FLVCR2: variants seen among roughly 807,000 people sequenced by gnomAD.
FLVCR2 encodes the protein FLVCR choline and putative heme transporter 2.
In FLVCR2, 38 loss-of-function variants were observed where a neutral mutation model predicts 48.9. The ratio of observed to expected loss-of-function variants is 0.78; its 90% CI spans 0.60 to 1.02. FLVCR2 has a LOEUF of 1.02. FLVCR2 is among the 50% of genes least tolerant of loss of function. The pLI is 0.00. For synonymous variants in FLVCR2, 255 were observed against 257.0 expected, an observed-to-expected ratio of 0.99 and a Z score of 0.07; for missense variants, 664 against 663.3, an observed-to-expected ratio of 1.00 and a Z score of -0.01.
intron 1 of FLVCR2, among the ~76,000 whole-genome samples, chr14:75,603,895 T>C (rs2140020091): frequency 6.6e-6 from 1 of 152,306 alleles, no homozygotes; most frequent in South Asian, 2.1e-4. Flanking sequence ...AAGGAAAATT[T>C]CCTGTTTCAC....
chr14:75,595,635 T>C lies in FLVCR2; in HGVS notation c.669+15994T>C, dbSNP rs540379126. Among the ~76,000 whole-genome samples, 6 of 152,372 alleles carry C rather than the reference T, an allele frequency of 3.9e-5. No homozygotes were observed. In the East Asian group the frequency reaches 5.8e-4, roughly 15 times the overall value. On this transcript the variant is annotated intron_variant, in intron 1 of 9. Coordinates refer to ENST00000238667, the MANE Select transcript of FLVCR2 (RefSeq NM_017791.3). ...TTTGCGGAGGTGAAGGCAAACTCTTTTGTTCACATCTATTGATTGTTATTG... is the reference window on the plus strand; with the variant it reads ...TTTGCGGAGGTGAAGGCAAACTCTTCTGTTCACATCTATTGATTGTTATTG...
rs374558708 is a variant in FLVCR2, at chr14:75,632,508, T to C, written c.953-1121T>C. 2.5e-5 allele frequency: 16 copies of C among 638,052 alleles called. No individual in the cohort carries two copies. The East Asian group carries it at 2.7e-4, about 11-fold the overall frequency. 39.5% of individuals were successfully genotyped at this position (638,052 alleles called of 1,614,324 possible). ...TTGTTACAAGTAATAGTGGTGCCTG[T>C]GAGCATTAAGCCAGGGTGGTTGCCA... On this transcript the variant is annotated intron_variant, in intron 3 of 9. Transcript: ENST00000238667.
At chr14:75,641,427 G>A (rs1008067198) in intron 8 of FLVCR2, 134 bp downstream of exon 8, 2 of 712,964 alleles carry the variant, frequency 2.8e-6, no homozygotes, top group South Asian at 3.0e-5. Flanking sequence ...CTGTTGGGAG[G>A]CAGCACATTG....
chr14:75,641,326 A>C (rs1890304572), intron 8 of FLVCR2, 33 bp downstream of exon 8: 6 of 1,509,468 alleles, frequency 4.0e-6, no homozygotes, highest in Non-Finnish European at 5.5e-6. Context: ...GATGAGGCTC[A>C]GGTTGGCCAT....
chr14:75,645,294 C>A (rs563329547), intron 9 of FLVCR2, among the ~76,000 whole-genome samples: 9 of 152,184 alleles, frequency 5.9e-5, no homozygotes, highest in Non-Finnish European at 1.3e-4. Flanking sequence ...TGTCTTAGCC[C>A]TGTGCATGTC....
Position 75,579,117 on chromosome 14 carries a change from C to G in FLVCR2, c.145C>G (p.Pro49Ala), listed in dbSNP as rs369546881. The G allele has an allele frequency of 6.2e-7, 1 of 1,613,992 alleles. No individual in the cohort carries two copies. The highest frequency in any genetic ancestry group is 1.3e-5 in the African/African-American group (1 of 74,922). Residue 49 changes from proline to alanine, a missense_variant, in exon 1 of 10, where the codon CCC (proline) becomes GCC (alanine). Coordinates refer to ENST00000238667, the MANE Select transcript of FLVCR2 (RefSeq NM_017791.3). Reference sequence around the variant, plus strand: ...CATCAACCCCAGCGTCTCTGTCCACCCCAGCAGTTCGGCCCACCCCAGTGC... The same window carrying G: ...CATCAACCCCAGCGTCTCTGTCCACGCCAGCAGTTCGGCCCACCCCAGTGC... ...VSINPSVSVH[P>A]SSSAHPSALA... is the part of the protein sequence containing the mutation.
chr14:75,591,437 T>G (rs1193490492), intron 1 of FLVCR2, among the ~76,000 whole-genome samples: 1 of 152,242 alleles, frequency 6.6e-6, no homozygotes, highest in Non-Finnish European at 1.5e-5. Flanking sequence ...GGGTTCCCAA[T>G]GCCTCAGGCA....
chr14:75,630,256 C>A (rs1188305336), intron 3 of FLVCR2, among the ~76,000 whole-genome samples: 1 of 152,168 alleles, frequency 6.6e-6, no homozygotes, highest in African/African-American at 2.4e-5. Flanking sequence ...AGTTGAGAAC[C>A]TCTGAGGTAG....
At position 75,647,902 on chromosome 14, in the gene FLVCR2, T is replaced by C. The variant is rs2140060113; in HGVS notation, c.*1430T>C. The C allele has an allele frequency of 6.5e-6, 1 of 152,908 alleles. No homozygotes were observed. Among genetic ancestry groups the C allele is most frequent in the African/African-American group, 2.4e-5 (1 of 41,550 alleles). The allele number at this position is 152,908 out of a possible 1,614,324, so 9.5% of individuals were successfully genotyped here. A position where few individuals can be genotyped will look rare whatever the true frequency, so the allele number is the denominator to read the frequency against. Reference sequence around the variant, plus strand: ...GTCTGCATGTGTGTGTGTGTGTGTTTGTACAGATTCAAGCAATGGATGCAA... The same window carrying C: ...GTCTGCATGTGTGTGTGTGTGTGTTCGTACAGATTCAAGCAATGGATGCAA... On this transcript the variant is annotated 3_prime_UTR_variant, in exon 10 of 10. Transcript: ENST00000238667.
chr14:75,610,136 C>T (rs1008014035), intron 1 of FLVCR2, among the ~76,000 whole-genome samples: 7 of 152,188 alleles, frequency 4.6e-5, no homozygotes, highest in African/African-American at 9.6e-5. Context: ...CATTTTTCCT[C>T]CTTCCTAGCC....
chr14:75,589,018 A>G (rs998893825), intron 1 of FLVCR2, among the ~76,000 whole-genome samples: 1 of 152,140 alleles, frequency 6.6e-6, no homozygotes, highest in Admixed American at 6.5e-5. Flanking sequence ...CTCTGAACCT[A>G]TGAAATTAAC....
chr14:75,603,076 C>G (rs979296388), intron 1 of FLVCR2, among the ~76,000 whole-genome samples: 1 of 152,186 alleles, frequency 6.6e-6, no homozygotes, highest in Non-Finnish European at 1.5e-5. Context: ...TCCATCTCCA[C>G]ATCTTCCTAC....
chr14:75,579,854 C>T (rs951675904), intron 1 of FLVCR2, among the ~76,000 whole-genome samples: 1 of 152,174 alleles, frequency 6.6e-6, no homozygotes, highest in African/African-American at 2.4e-5. Flanking sequence ...TGCTCTTGCC[C>T]CAGCCAAAAG....
chr14:75,639,997 C>T (rs999282317), intron 6 of FLVCR2, among the ~76,000 whole-genome samples: 13 of 152,132 alleles, frequency 8.5e-5, no homozygotes, highest in African/African-American at 3.1e-4. Context: ...GGTGGCTTAA[C>T]GCCTGTAATC....
rs140107455 is a variant in FLVCR2 at position 75,608,209 on chromosome 14, A to G, written c.670-13870A>G. Reference sequence around the variant, plus strand: ...AGCACTCCTGCCTTTACACCGGCTCATGGTTCAGGATAAGCTCCATCATCC... The same window carrying G: ...AGCACTCCTGCCTTTACACCGGCTCGTGGTTCAGGATAAGCTCCATCATCC... On this transcript the variant is annotated intron_variant, in intron 1 of 9. Transcript: ENST00000238667. Among the ~76,000 whole-genome samples the G allele has an allele frequency of 8.3e-3, 1,261 of 152,288 alleles. 10 individuals are homozygous for G. The highest frequency in any genetic ancestry group is 0.021 in the Middle Eastern group (6 of 292).
rs149377606 is a variant in FLVCR2 at position 75,634,945 on chromosome 14, G to T, written c.1056G>T (p.Thr352=). 1.9e-6 allele frequency: 3 copies of T among 1,614,028 alleles called. No homozygotes were observed. Among genetic ancestry groups the T allele is most frequent in the East Asian group, 2.2e-5 (1 of 44,890 alleles). Residue 352 remains threonine (T), a synonymous_variant, in exon 5 of 10, where the codon ACG becomes ACT. Coordinates refer to ENST00000238667, the MANE Select transcript of FLVCR2 (RefSeq NM_017791.3). ...EEVNAGRIGL[T]IVIAGMLGAV... Reference sequence around the variant, plus strand: ...TGAATGCTGGAAGAATTGGCCTGACGATCGTCATTGCAGGAATGCTTGGGG... The same window carrying T: ...TGAATGCTGGAAGAATTGGCCTGACTATCGTCATTGCAGGAATGCTTGGGG...
At chr14:75,628,334 C>G (rs55902361) in intron 3 of FLVCR2, among the ~76,000 whole-genome samples, 3 of 152,002 alleles carry the variant, frequency 2.0e-5, no homozygotes, top group Non-Finnish European at 4.4e-5. Flanking sequence ...AGGCTGGTCT[C>G]GAACTCCTGA....
At chr14:75,597,492 A>C (rs1490767758) in intron 1 of FLVCR2, among the ~76,000 whole-genome samples, 1 of 152,104 alleles carries the variant, frequency 6.6e-6, no homozygotes, top group Non-Finnish European at 1.5e-5. Context: ...ATCCATGGGG[A>C]TAGATGAAAA....
rs1347330369 is a variant in FLVCR2, at chr14:75,579,158, T to A, written c.186T>A (p.Ser62Arg). The change falls in exon 1 of 10, where the codon AGT (serine) becomes AGA (arginine). Residue 62 changes from serine to arginine, a missense_variant. Transcript: ENST00000238667. ...ACCCCAGTGCCTTAGCCCAACCCAG[T>A]GGCTTGGCTCACCCCAGTAGCTCGG... ...SAHPSALAQP[S>R]GLAHPSSSGP... 1 of 1,613,976 alleles carries A rather than the reference T, an allele frequency of 6.2e-7. No homozygotes were observed. The highest frequency in any genetic ancestry group is 1.7e-5 in the Admixed American group (1 of 60,006).
Sources: allele counts gnomAD v4.1 joint callset (sites outside exome capture counted in the v4.1 genomes callset), GRCh38; gene constraint gnomAD v4.1.1; transcripts MANE v1.5; gene names NCBI Gene and HGNC (gene_info 2026-07-23, HGNC 2026-07-21).